Variants in SBNO2 observed in about 807,000 individuals in gnomAD.
SBNO2 encodes the protein strawberry notch homolog 2, also known as protein strawberry notch homolog 2.
Under a neutral mutation model 146.3 loss-of-function variants are expected in SBNO2, and 89 were observed. That is an observed-to-expected ratio of 0.61 (90% CI 0.51 to 0.73). The LOEUF is 0.73. Among genes scored for constraint, SBNO2 ranks in the 30% least tolerant of loss-of-function variants. The probability of loss-of-function intolerance (pLI) is 0.00; values close to 1 mark genes in which losing one functional copy is unlikely to be tolerated. For synonymous variants in SBNO2, 1,147 were observed against 892.6 expected (o/e 1.29, Z -5.08); for missense variants, 2,092 against 2,003.7 (o/e 1.04, Z -0.84).
At chr19:1,143,199 T>C (rs868394578) in intron 4 of SBNO2, among the ~76,000 whole-genome samples, 1 of 151,748 alleles carries the variant, frequency 6.6e-6, no homozygotes, top group Non-Finnish European at 1.5e-5. Flanking sequence ...TCCAACAAGC[T>C]GAATATGGTG....
At chr19:1,131,322 G>A (rs968255112) in intron 4 of SBNO2, among the ~76,000 whole-genome samples, 2 of 152,156 alleles carry the variant, frequency 1.3e-5, no homozygotes, top group African/African-American at 2.4e-5. Context: ...ATCCCTCCCC[G>A]CCAGCCCCCA....
intron 4 of SBNO2, among the ~76,000 whole-genome samples, chr19:1,132,760 C>G (rs2080045733): frequency 6.6e-6 from 1 of 152,176 alleles, no homozygotes; most frequent in African/African-American, 2.4e-5. Context: ...TCCCTGCTGT[C>G]CGTGCCCAGG....
intron 4 of SBNO2, among the ~76,000 whole-genome samples, chr19:1,146,985 G>A (rs967664757): frequency 3.3e-5 from 5 of 152,166 alleles, no homozygotes; most frequent in African/African-American, 4.8e-5. Context: ...AGGGAGGGCC[G>A]TGGGGGCAAA....
At chr19:1,152,154 G>A (rs1438889880) in intron 2 of SBNO2, among the ~76,000 whole-genome samples, 8 of 152,190 alleles carry the variant, frequency 5.3e-5, no homozygotes, top group East Asian at 3.8e-4. Context: ...GGTGCGCCCC[G>A]GCCTGAGCCC....
intron 1 of SBNO2, among the ~76,000 whole-genome samples, chr19:1,171,211 G>A (rs557027752): frequency 1.3e-5 from 2 of 152,000 alleles, no homozygotes; most frequent in Admixed American, 6.6e-5. Context: ...ACAGCCACAG[G>A]CACGCACATT....
At chr19:1,160,897 G>C (rs1015228149) in intron 1 of SBNO2, among the ~76,000 whole-genome samples, 1 of 151,550 alleles carries the variant, frequency 6.6e-6, no homozygotes, top group African/African-American at 2.4e-5. Flanking sequence ...AGGGAAACCT[G>C]TGGGCAGCTC....
Position 1,127,687 on chromosome 19 carries a change from T to G in SBNO2, c.358A>C (p.Thr120Pro), listed in dbSNP as rs777787214. The G allele has an allele frequency of 6.2e-7, 1 of 1,613,442 alleles. No homozygotes were observed. The highest frequency in any genetic ancestry group is 8.5e-7 in the Non-Finnish European group (1 of 1,179,850). The change falls in exon 5 of 32, where the codon ACG (threonine) becomes CCG (proline). Residue 120 changes from threonine (T) to proline (P), a missense_variant. Transcript: ENST00000361757. The stretch of plus-strand genomic sequence containing the variant: ...CTGTCAGCCGGCAGGAAGTCGGGCG[T>G]GTCCACGATGTCCGACAGGGAGTCC... The part of the protein sequence containing the change: ...SVDSLSDIVD[T>P]PDFLPADSLN...
rs2079692037 is a variant in SBNO2 at position 1,107,999 on chromosome 19, AGGCACAGAGAG to A, written c.*210_*220del. 1 of 350,924 alleles carries A rather than the reference AGGCACAGAGAG, an allele frequency of 2.8e-6. No individual in the cohort carries two copies. Among genetic ancestry groups the A allele is most frequent in the African/African-American group, 2.2e-5 (1 of 45,256 alleles). The allele number at this position is 350,924 out of a possible 1,614,324, so 21.7% of individuals were successfully genotyped here. A position where few individuals can be genotyped will look rare whatever the true frequency, so the allele number is the denominator to read the frequency against. On this transcript the variant is annotated 3_prime_UTR_variant, in exon 32 of 32. Coordinates refer to ENST00000361757, the MANE Select transcript of SBNO2 (RefSeq NM_014963.3). ...GGAGCCCCTTCCTACTTGGGAGGAG[AGGCACAGAGAG>A]GGCCCTGCCACGCCCCGGCCCCCAG...
Position 1,117,362 on chromosome 19 carries a change from C to T in SBNO2, c.1665G>A (p.Arg555=). ...KYLCIAAKVR[R]LVELAREELA... Reference sequence around the variant, plus strand: ...GCTCCTCTCGGGCCAGCTCCACCAGCCGGCGCACCTTGGCTGCGATGCACA... The same window carrying T: ...GCTCCTCTCGGGCCAGCTCCACCAGTCGGCGCACCTTGGCTGCGATGCACA... Residue 555 remains arginine (R), a synonymous_variant, in exon 15 of 32, where the codon CGG becomes CGA. Coordinates refer to ENST00000361757, the MANE Select transcript of SBNO2 (RefSeq NM_014963.3). 6.3e-7 allele frequency: 1 copy of T among 1,581,824 alleles called. No individual in the cohort carries two copies. The highest frequency in any genetic ancestry group is 8.6e-7 in the Non-Finnish European group (1 of 1,165,310).
At position 1,112,849 on chromosome 19, in the gene SBNO2, C is replaced by A. The variant is rs1413534951; in HGVS notation, c.2348G>T (p.Arg783Met). 1 of 1,576,272 alleles carries A rather than the reference C, an allele frequency of 6.3e-7. No individual in the cohort carries two copies. The highest frequency in any genetic ancestry group is 8.6e-7 in the Non-Finnish European group (1 of 1,162,618). ...GCCGCTCATGAAGCGCTGCTTCTCC[C>A]TGAGGTTCACGTGGTCGATGGACAG... The part of the protein sequence containing the change: ...QGLSIDHVNL[R>M]EKQRFMSGEK... The change falls in exon 20 of 32, where the codon AGG (arginine) becomes ATG (methionine). Residue 783 changes from arginine to methionine, a missense_variant. By Grantham distance (91) the Arg-to-Met change is moderately conservative. Transcript: ENST00000361757. The surrounding 1 kb of genome is among the most constrained non-coding windows in gnomAD (Gnocchi z 5.9).
chr19:1,146,860 G>A (rs937752949), intron 4 of SBNO2, among the ~76,000 whole-genome samples: 3 of 152,006 alleles, frequency 2.0e-5, no homozygotes, highest in East Asian at 1.9e-4. Context: ...GAGCCTCCCC[G>A]CGACCCTGGG....
chr19:1,128,359 C>A lies in SBNO2; in HGVS notation c.280-594G>T, dbSNP rs570844842. 123 of 344,560 alleles carry A rather than the reference C, an allele frequency of 3.6e-4. 1 individual carries two copies. Among genetic ancestry groups the A allele is most frequent in the African/African-American group, 2.6e-3 (117 of 45,494 alleles). 21.3% of individuals were successfully genotyped at this position (344,560 alleles called of 1,614,324 possible). A position where few individuals can be genotyped will look rare whatever the true frequency, so the allele number is the denominator to read the frequency against. ...TCGCCATGGGGATGACACACACACA[C>A]GCGCTGCCCAGTGAAGGAGATGTAT... On this transcript the variant is annotated intron_variant, in intron 4 of 31. Coordinates refer to ENST00000361757, the MANE Select transcript of SBNO2 (RefSeq NM_014963.3).
Position 1,109,164 on chromosome 19 carries a change from C to T in SBNO2, c.3396G>A (p.Leu1132=), listed in dbSNP as rs1185989911. 1.3e-6 allele frequency: 2 copies of T among 1,557,938 alleles called. No individual in the cohort carries two copies. Among genetic ancestry groups the T allele is most frequent in the Non-Finnish European group, 1.7e-6 (2 of 1,151,748 alleles). The stretch of plus-strand genomic sequence containing the variant: ...CGCTGTGGCTGCAGTGCGTCAGCGA[C>T]AAAGCGTAGCCACTCTCCCAGGGCT... ...AKEPWESGYA[L]SLTHCSHSAW... The change falls in exon 30 of 32, where the codon TTG becomes TTA. Residue 1132 remains leucine (L), a synonymous_variant. Coordinates refer to ENST00000361757, the MANE Select transcript of SBNO2 (RefSeq NM_014963.3). This position sits in a 1 kb window ranked among gnomAD's most constrained non-coding sequence, Gnocchi z 4.2.
Position 1,112,557 on chromosome 19 carries a change from C to A in SBNO2, c.2380-20G>T. The A allele has an allele frequency of 9.5e-6, 15 of 1,585,314 alleles. No homozygotes were observed. The highest frequency in any genetic ancestry group is 2.3e-5 in the East Asian group (1 of 44,168). On this transcript the variant is annotated intron_variant, in intron 20 of 31. Coordinates refer to ENST00000361757, the MANE Select transcript of SBNO2 (RefSeq NM_014963.3). This position sits in a 1 kb window ranked among gnomAD's most constrained non-coding sequence, Gnocchi z 5.9. ...CACGAGCTAGGGGGAAAGAAGGGGC[C>A]GGGACACGGTTGGTGCAAGGCCCGC... is the stretch of plus-strand genomic sequence containing the variant.
In SBNO2 at chr19:1,108,041, C is replaced by G. The variant is rs562574376; in HGVS notation, c.*179G>C. On this transcript the variant is annotated 3_prime_UTR_variant, in exon 32 of 32. Coordinates refer to ENST00000361757, the MANE Select transcript of SBNO2 (RefSeq NM_014963.3). ...TGCCACGCCCCGGCCCCCAGCTGTC[C>G]TGAGTGGGCCCCGCCAGGGCTGACC... 1.8e-6 allele frequency: 1 copy of G among 562,886 alleles called. No homozygotes were observed. Among genetic ancestry groups the G allele is most frequent in the Non-Finnish European group, 2.8e-6 (1 of 360,496 alleles). 34.9% of individuals were successfully genotyped at this position (562,886 alleles called of 1,614,324 possible).
chr19:1,157,762 A>G lies in SBNO2; in HGVS notation c.-126-3360T>C, dbSNP rs1233526578. Among the ~76,000 whole-genome samples the G allele has an allele frequency of 6.6e-6, 1 of 152,160 alleles. No homozygotes were observed. Among genetic ancestry groups the G allele is most frequent in the Non-Finnish European group, 1.5e-5 (1 of 68,024 alleles). ...GGAAGGCAGAACCTCAGACAGGACC[A>G]AGATCCGGGAGAATCCGAGGAACCG... is the stretch of plus-strand genomic sequence containing the variant. On this transcript the variant is annotated intron_variant, in intron 1 of 31. Coordinates refer to ENST00000361757, the MANE Select transcript of SBNO2 (RefSeq NM_014963.3). This position sits in a 1 kb window ranked among gnomAD's most constrained non-coding sequence, Gnocchi z 6.8.
At chr19:1,169,313 C>CCAGGGCA (rs2080455916) in intron 1 of SBNO2, among the ~76,000 whole-genome samples, 1 of 152,220 alleles carries the variant, frequency 6.6e-6, no homozygotes, top group African/African-American at 2.4e-5. Context: ...CGCAGGAGAG[C>CCAGGGCA]CAGGGCACAG....
Position 1,110,148 on chromosome 19 carries a change from G to T in SBNO2, c.3029-371C>A, listed in dbSNP as rs2079738330. 6.6e-6 allele frequency among the ~76,000 whole-genome samples: 1 copy of T among 152,048 alleles called. No individual in the cohort carries two copies. The highest frequency in any genetic ancestry group is 1.5e-5 in the Non-Finnish European group (1 of 67,970). On this transcript the variant is annotated intron_variant, in intron 26 of 31. Coordinates refer to ENST00000361757, the MANE Select transcript of SBNO2 (RefSeq NM_014963.3). This position sits in a 1 kb window ranked among gnomAD's most constrained non-coding sequence, Gnocchi z 4.9. ...AGCCTGGGGGCTGCTCAGGTGCTGG[G>T]TGACCCCAAGCAGGCTGTGGGGGAT...
chr19:1,124,835 C>G (rs1076266), intron 5 of SBNO2, among the ~76,000 whole-genome samples: 5,907 of 152,162 alleles, frequency 0.039, 204 homozygotes, highest in East Asian at 0.16. Flanking sequence ...GTGGCCCACC[C>G]AGGGGTCTCC....
Sources: gnomAD v4.1 joint callset for allele counts (sites outside exome capture counted in the v4.1 genomes callset) on GRCh38, gnomAD v4.1.1 for gene constraint, Gnocchi (gnomAD v3.1) non-coding constraint, MANE v1.5 for transcripts, NCBI Gene and HGNC (gene_info 2026-07-23, HGNC 2026-07-21) for gene names.